DNAAF11: variants seen among roughly 807,000 people sequenced by gnomAD.
DNAAF11 encodes dynein axonemal assembly factor 11, also known as leucine rich repeat containing 6.
In DNAAF11, 45 loss-of-function variants were observed where a neutral mutation model predicts 60.8. That is an observed-to-expected ratio of 0.74 (90% CI 0.58 to 0.95). The LOEUF is 0.95. Among genes scored for constraint, DNAAF11 ranks in the 40% least tolerant of loss-of-function variants. The probability of loss-of-function intolerance (pLI) is 0.00; values close to 1 mark genes in which losing one functional copy is unlikely to be tolerated. For missense variants in DNAAF11, 546 were observed against 546.2 expected, an observed-to-expected ratio of 1.00 and a Z score of 0.00; for synonymous variants, 191 against 183.5, an observed-to-expected ratio of 1.04 and a Z score of -0.33.
rs1814160366 is a variant in DNAAF11 at position 132,571,299 on chromosome 8, A to G, written c.*1007T>C. The stretch of plus-strand genomic sequence containing the variant: ...TGAACAGAGAGGGGGCTAGCACTCA[A>G]TAGTTGCTCAATAAGTATTTGTTGA... On this transcript the variant is annotated 3_prime_UTR_variant, in exon 12 of 12. Coordinates refer to ENST00000620350, the MANE Select transcript of DNAAF11 (RefSeq NM_012472.6). 6.6e-6 allele frequency among the ~76,000 whole-genome samples: 1 copy of G among 152,192 alleles called. No individual in the cohort carries two copies. The highest frequency in any genetic ancestry group is 1.5e-5 in the Non-Finnish European group (1 of 68,034).
intron 5 of DNAAF11, 147 bp from the exon 6 acceptor site, chr8:132,625,601 G>A: frequency 1.6e-6 from 1 of 642,606 alleles, no homozygotes; most frequent in East Asian, 2.8e-5. Context: ...GTTTAACCAG[G>A]CCTGGTTACC....
At chr8:132,629,108 T>G (rs1820554340) in intron 5 of DNAAF11, among the ~76,000 whole-genome samples, 1 of 152,196 alleles carries the variant, frequency 6.6e-6, no homozygotes, top group African/African-American at 2.4e-5. Flanking sequence ...TCTATTAATG[T>G]AATTCAACAC....
At chr8:132,696,125 A>G in the DNAAF11 span, among the ~76,000 whole-genome samples, 1 of 152,188 alleles carries the variant, frequency 6.6e-6, no homozygotes, top group African/African-American at 2.4e-5. Flanking sequence ...TGGGGTTAGG[A>G]TACAAAGTTA....
chr8:132,657,721 T>G (rs1000399189), intron 2 of DNAAF11, among the ~76,000 whole-genome samples: 1 of 152,128 alleles, frequency 6.6e-6, no homozygotes, highest in African/African-American at 2.4e-5. Context: ...ATAGCAACTA[T>G]TGCTGAGTGC....
the DNAAF11 span, among the ~76,000 whole-genome samples, chr8:132,682,219 C>T: frequency 2.0e-4 from 30 of 152,182 alleles, no homozygotes; most frequent in African/African-American, 7.2e-4. Flanking sequence ...ATCCTTGCAG[C>T]TTCCACTTTG....
chr8:132,661,112 T>C (rs184835477), intron 2 of DNAAF11, among the ~76,000 whole-genome samples: 1 of 152,234 alleles, frequency 6.6e-6, no homozygotes, highest in Admixed American at 6.5e-5. Context: ...AATTCTCATA[T>C]AAATTTGTTT....
chr8:132,651,168 G>C (rs182648485), intron 3 of DNAAF11, among the ~76,000 whole-genome samples: 48 of 152,156 alleles, frequency 3.2e-4, no homozygotes, highest in African/African-American at 9.9e-4. Context: ...AAAGGCGGGT[G>C]GGGGAGCTCA....
intron 11 of DNAAF11, among the ~76,000 whole-genome samples, chr8:132,573,097 TAGATATAGATATAGATAC>T (rs1434101569): frequency 2.6e-5 from 4 of 151,874 alleles, no homozygotes; most frequent in African/African-American, 9.7e-5. Flanking sequence ...TGGTCAGATA[TAGATATAGATATAGATAC>T]AGATATAGAT....
chr8:132,613,765 A>G (rs1818886091), intron 8 of DNAAF11, among the ~76,000 whole-genome samples: 1 of 152,206 alleles, frequency 6.6e-6, no homozygotes, highest in Non-Finnish European at 1.5e-5. Flanking sequence ...GTCCCTGTTC[A>G]CTTTGACAAG....
intron 3 of DNAAF11, among the ~76,000 whole-genome samples, chr8:132,654,867 C>A (rs1823390761): frequency 6.6e-6 from 1 of 151,304 alleles, no homozygotes; most frequent in Middle Eastern, 3.4e-3. Context: ...TCTTAAGAAA[C>A]TAGAAAAAAG....
intron 3 of DNAAF11, among the ~76,000 whole-genome samples, chr8:132,642,071 G>T (rs983776875): frequency 7.9e-5 from 12 of 152,144 alleles, no homozygotes; most frequent in African/African-American, 2.7e-4. Context: ...TTGCAACATG[G>T]TTAGAGTTGA....
At chr8:132,642,136 G>C (rs1821917781) in intron 3 of DNAAF11, among the ~76,000 whole-genome samples, 2 of 152,158 alleles carry the variant, frequency 1.3e-5, no homozygotes, top group African/African-American at 4.8e-5. Flanking sequence ...AGAAAACTAA[G>C]ATATAAGTTA....
intron 3 of DNAAF11, among the ~76,000 whole-genome samples, chr8:132,656,475 T>C (rs114704712): frequency 0.01 from 1,579 of 152,266 alleles, 30 homozygotes; most frequent in African/African-American, 0.036. Context: ...AATCTAACTT[T>C]TTTCTTTTTG....
intron 10 of DNAAF11, 73 bp downstream of exon 10, chr8:132,610,093 A>T: frequency 2.0e-6 from 2 of 1,003,902 alleles, no homozygotes; most frequent in Non-Finnish European, 3.2e-6. Context: ...AGTCATCATT[A>T]GTCCTGACAG....
chr8:132,680,483 A>G (rs1276378710), upstream of DNAAF11, among the ~76,000 whole-genome samples: 1 of 151,916 alleles, frequency 6.6e-6, no homozygotes, highest in Admixed American at 6.6e-5. Context: ...AGTTCTTTTT[A>G]TTTTCATTTT....
intron 10 of DNAAF11, among the ~76,000 whole-genome samples, chr8:132,591,571 T>C (rs1816467512): frequency 6.6e-6 from 1 of 152,084 alleles, no homozygotes; most frequent in Non-Finnish European, 1.5e-5. Context: ...CTTTTATGAA[T>C]TTACACATAT....
At chr8:132,575,892 T>C (rs1814695092) in intron 11 of DNAAF11, among the ~76,000 whole-genome samples, 1 of 152,200 alleles carries the variant, frequency 6.6e-6, no homozygotes, top group Admixed American at 6.5e-5. Flanking sequence ...CTTGGATGGC[T>C]GGGTAAGGTA....
intron 2 of DNAAF11, among the ~76,000 whole-genome samples, chr8:132,659,128 G>C (rs1823876514): frequency 6.6e-6 from 1 of 152,192 alleles, no homozygotes; most frequent in South Asian, 2.1e-4. Flanking sequence ...TAGGTCTGGG[G>C]ACGGGGCACT....
chr8:132,698,519 A>G, the DNAAF11 span, among the ~76,000 whole-genome samples: 1 of 152,212 alleles, frequency 6.6e-6, no homozygotes, highest in Non-Finnish European at 1.5e-5. Flanking sequence ...AAGCTAAATT[A>G]CAATGTGCCT....
Sources: allele counts gnomAD v4.1 joint callset (sites outside exome capture counted in the v4.1 genomes callset), GRCh38; gene constraint gnomAD v4.1.1; transcripts MANE v1.5; gene names NCBI Gene and HGNC (gene_info 2026-07-23, HGNC 2026-07-21).